The following LHFPL2 variants were observed in gnomAD, a reference collection of about 807,000 sequenced individuals.
LHFPL2 encodes the protein LHFPL tetraspan subfamily member 2, also known as LHFPL tetraspan subfamily member 2 protein.
LHFPL2 carries 7 observed loss-of-function variants against 17.5 expected under a neutral mutation model. That is an observed-to-expected ratio of 0.40 (90% CI 0.23 to 0.75). The LOEUF (loss-of-function observed/expected upper bound fraction) is 0.75. Among genes scored for constraint, LHFPL2 ranks in the 30% least tolerant of loss-of-function variants. The pLI is 0.37. For synonymous variants in LHFPL2, 134 were observed against 116.2 expected, an observed-to-expected ratio of 1.15 and a Z score of -0.99; for missense variants, 241 against 294.8, an observed-to-expected ratio of 0.82 and a Z score of 1.34.
chr5:78,553,697 C>T (rs909262525), intron 3 of LHFPL2, among the ~76,000 whole-genome samples: 2 of 152,198 alleles, frequency 1.3e-5, no homozygotes, highest in Non-Finnish European at 2.9e-5. Flanking sequence ...TCTTTCCTTC[C>T]CCAGGAATTT....
chr5:78,552,872 G>A (rs914100537), intron 3 of LHFPL2, among the ~76,000 whole-genome samples: 4 of 152,122 alleles, frequency 2.6e-5, no homozygotes, highest in African/African-American at 4.8e-5. Context: ...ATACAGAATC[G>A]CCAACCAGCC....
At chr5:78,563,040 C>T (rs972602915) in intron 3 of LHFPL2, among the ~76,000 whole-genome samples, 2 of 152,206 alleles carry the variant, frequency 1.3e-5, no homozygotes, top group East Asian at 1.9e-4. Flanking sequence ...AAATGAAAAT[C>T]GCTCCTGCTT....
rs1019014007 is a variant in LHFPL2 at position 78,488,505 on chromosome 5, A to G, written c.*392T>C. On this transcript the variant is annotated 3_prime_UTR_variant, in exon 5 of 5. Coordinates refer to ENST00000380345, the MANE Select transcript of LHFPL2 (RefSeq NM_005779.3). ...CCAACCCAAAACCCCATTCTGAGGC[A>G]GAGATGCTCACAAGCAAGCAGTGTT... 6 of 227,634 alleles carry G rather than the reference A, an allele frequency of 2.6e-5. No homozygotes were observed. The highest frequency in any genetic ancestry group is 1.3e-4 in the African/African-American group (6 of 44,580). 14.1% of individuals were successfully genotyped at this position (227,634 alleles called of 1,614,324 possible). A position where few individuals can be genotyped will look rare whatever the true frequency, so the allele number is the denominator to read the frequency against.
intron 2 of LHFPL2, among the ~76,000 whole-genome samples, chr5:78,614,453 G>C (rs1744528826): frequency 6.6e-6 from 1 of 152,158 alleles, no homozygotes; most frequent in South Asian, 2.1e-4. Flanking sequence ...CTACTTCTAA[G>C]CTCCACCTCT....
intron 3 of LHFPL2, among the ~76,000 whole-genome samples, chr5:78,555,047 C>T (rs1756536894): frequency 6.6e-6 from 1 of 152,056 alleles, no homozygotes; most frequent in Non-Finnish European, 1.5e-5. Context: ...CCTGAGTTCC[C>T]TGGGAGGTAA....
At chr5:78,588,851 A>G (rs1354081427) in intron 2 of LHFPL2, among the ~76,000 whole-genome samples, 1 of 152,020 alleles carries the variant, frequency 6.6e-6, no homozygotes, top group African/African-American at 2.4e-5. Context: ...AATGTAAGTT[A>G]CTCTCCTTAT....
At chr5:78,623,894 A>G (rs760421330) in intron 2 of LHFPL2, among the ~76,000 whole-genome samples, 15 of 152,240 alleles carry the variant, frequency 9.9e-5, no homozygotes, top group Non-Finnish European at 1.6e-4. Context: ...ATAGATAACT[A>G]TATCAGTGCC....
At chr5:78,499,429 C>G (rs536463690) in intron 4 of LHFPL2, among the ~76,000 whole-genome samples, 1 of 152,298 alleles carries the variant, frequency 6.6e-6, no homozygotes, top group South Asian at 2.1e-4. Context: ...GAAACTGAGG[C>G]ACGGAAGGGC....
At chr5:78,536,158 G>A (rs946362744) in intron 3 of LHFPL2, among the ~76,000 whole-genome samples, 2 of 152,174 alleles carry the variant, frequency 1.3e-5, no homozygotes, top group Non-Finnish European at 2.9e-5. Flanking sequence ...CATGGAGAGT[G>A]GGGGGATCAG....
chr5:78,570,516 TGAA>T (rs1261976049), intron 2 of LHFPL2, among the ~76,000 whole-genome samples: 2 of 151,864 alleles, frequency 1.3e-5, no homozygotes, highest in African/African-American at 4.8e-5. Context: ...CTATGAGTGA[TGAA>T]GGAGAGTGAC....
chr5:78,623,498 A>T (rs1368631631), intron 2 of LHFPL2, among the ~76,000 whole-genome samples: 1 of 152,240 alleles, frequency 6.6e-6, no homozygotes, highest in Non-Finnish European at 1.5e-5. Flanking sequence ...TATTGCATTG[A>T]AACTATGTCA....
chr5:78,633,115 G>A (rs1298638505), intron 1 of LHFPL2, among the ~76,000 whole-genome samples: 4 of 152,176 alleles, frequency 2.6e-5, no homozygotes, highest in Admixed American at 2.6e-4. Context: ...GGTTCAGACA[G>A]CTTTCAGCAA....
At position 78,510,230 on chromosome 5, in the gene LHFPL2, A is replaced by G. The variant is rs751201991; in HGVS notation, c.-17T>C. The G allele has an allele frequency of 6.4e-7, 1 of 1,566,216 alleles. No homozygotes were observed. The highest frequency in any genetic ancestry group is 8.7e-7 in the Non-Finnish European group (1 of 1,153,452). ...ATGACACATATTGATGTTCCGGGCGAAGAAAGAGTCAGGAGTCCACGGAGT... is the reference window on the plus strand; with the variant it reads ...ATGACACATATTGATGTTCCGGGCGGAGAAAGAGTCAGGAGTCCACGGAGT... On this transcript the variant is annotated 5_prime_UTR_variant, in exon 4 of 5. Transcript: ENST00000380345.
chr5:78,625,593 T>C (rs887670415), intron 2 of LHFPL2: 6 of 152,204 alleles, frequency 3.9e-5, no homozygotes, highest in Admixed American at 1.3e-4. Context: ...CTATATATAA[T>C]CTCAAGATAG....
In LHFPL2 at chr5:78,648,117, C is replaced by G. The variant is rs2112537618; in HGVS notation, c.-350+382G>C. Among the ~76,000 whole-genome samples the G allele has an allele frequency of 6.6e-6, 1 of 152,314 alleles. No homozygotes were observed. The highest frequency in any genetic ancestry group is 1.5e-5 in the Non-Finnish European group (1 of 68,016). ...GGAGCGGTGCCAGGCGCGCTGGAAC[C>G]CGGCGCCCAGCTGCGCCTGGGACCC... On this transcript the variant is annotated intron_variant, in intron 1 of 4. Coordinates refer to ENST00000380345, the MANE Select transcript of LHFPL2 (RefSeq NM_005779.3). This position sits in a 1 kb window ranked among gnomAD's most constrained non-coding sequence, Gnocchi z 5.4.
intron 3 of LHFPL2, among the ~76,000 whole-genome samples, chr5:78,531,888 TGTAGCTGGGA>T (rs1242958773): frequency 4.0e-5 from 6 of 150,106 alleles, no homozygotes; most frequent in African/African-American, 1.5e-4. Context: ...CAGCCTCCTG[TGTAGCTGGGA>T]GTACAAGCAG....
At position 78,488,845 on chromosome 5, in the gene LHFPL2, G is replaced by A. The variant is rs1291141082; in HGVS notation, c.*52C>T. The A allele has an allele frequency of 8.8e-6, 14 of 1,586,048 alleles. No homozygotes were observed. The highest frequency in any genetic ancestry group is 1.7e-4 in the Middle Eastern group (1 of 5,932). On this transcript the variant is annotated 3_prime_UTR_variant, in exon 5 of 5. Transcript: ENST00000380345. ...CACTTGACTCAAATGATGAAACTGT[G>A]GACTGTTTCACAAGATTACTCAAGG...
At chr5:78,616,136 GTT>G (rs10574106) in intron 2 of LHFPL2, among the ~76,000 whole-genome samples, 26 of 29,732 alleles carry the variant, frequency 8.7e-4, no homozygotes, top group Non-Finnish European at 4.2e-4. Flanking sequence ...TGTTTTGGGG[GTT>G]TTTTTTTGAG....
At chr5:78,644,224 A>G in intron 1 of LHFPL2, 1 of 657,826 alleles carries the variant, frequency 1.5e-6, no homozygotes, top group Admixed American at 2.6e-5. Flanking sequence ...CAGGGAGTTG[A>G]AATGCTTTAT....
Sources: allele counts gnomAD v4.1 joint callset (sites outside exome capture counted in the v4.1 genomes callset), GRCh38; gene constraint gnomAD v4.1.1; non-coding constraint Gnocchi (gnomAD v3.1); transcripts MANE v1.5; gene names NCBI Gene and HGNC (gene_info 2026-07-23, HGNC 2026-07-21).